The following WWOX variants were observed in gnomAD, a reference collection of about 807,000 sequenced individuals.
WWOX encodes the protein WW domain-containing oxidoreductase.
In WWOX, 69 loss-of-function variants were observed where a neutral mutation model predicts 46.2. The observed-to-expected ratio is 1.49, with a 90% CI of 1.23 to 1.82. The LOEUF (loss-of-function observed/expected upper bound fraction) is 1.82, where lower values mean the gene tolerates loss of function less well. WWOX is among the 40% of genes most tolerant of loss of function. The pLI is 0.00. For synonymous variants in WWOX, 359 were observed against 202.6 expected (o/e 1.77, Z -6.56); for missense variants, 919 against 542.6 (o/e 1.69, Z -6.89).
chr16:78,315,986 C>G (rs2080349286), intron 5 of WWOX, among the ~76,000 whole-genome samples: 1 of 152,040 alleles, frequency 6.6e-6, no homozygotes, highest in African/African-American at 2.4e-5. Context: ...TCACTCAAAC[C>G]TGTAATCCCA....
chr16:78,469,241 C>G (rs1316950468), intron 8 of WWOX, among the ~76,000 whole-genome samples: 1 of 152,024 alleles, frequency 6.6e-6, no homozygotes, highest in Non-Finnish European at 1.5e-5. Context: ...AACCACCCAT[C>G]AAGATATCCA....
At chr16:78,798,295 G>A (rs1034611674) in intron 8 of WWOX, among the ~76,000 whole-genome samples, 15 of 151,976 alleles carry the variant, frequency 9.9e-5, no homozygotes, top group Non-Finnish European at 1.5e-5. Context: ...GGCTCAGATT[G>A]ACGCTTTTCA....
intron 8 of WWOX, among the ~76,000 whole-genome samples, chr16:79,191,523 A>G (rs913604478): frequency 3.3e-5 from 5 of 152,234 alleles, no homozygotes; most frequent in Non-Finnish European, 7.3e-5. Context: ...GCTACTTTAT[A>G]AAAGCCAAGT....
intron 8 of WWOX, among the ~76,000 whole-genome samples, chr16:78,624,201 C>G (rs766835879): frequency 4.8e-5 from 7 of 144,572 alleles, no homozygotes; most frequent in Non-Finnish European, 9.0e-5. Flanking sequence ...TATTTATTTT[C>G]TAATCTTTTT....
At chr16:78,841,912 C>A (rs1303796930) in intron 8 of WWOX, among the ~76,000 whole-genome samples, 2 of 152,060 alleles carry the variant, frequency 1.3e-5, no homozygotes, top group Admixed American at 1.3e-4. Flanking sequence ...GATTATTGGG[C>A]TTGAGTATCC....
At chr16:78,988,994 C>T (rs538752962) in intron 8 of WWOX, among the ~76,000 whole-genome samples, 2 of 152,310 alleles carry the variant, frequency 1.3e-5, no homozygotes, top group East Asian at 1.9e-4. Flanking sequence ...CCTGTACAAC[C>T]TGAGTTCTCT....
intron 8 of WWOX, among the ~76,000 whole-genome samples, chr16:78,643,791 C>T (rs898316391): frequency 6.8e-6 from 1 of 148,100 alleles, no homozygotes; most frequent in African/African-American, 2.5e-5. Context: ...GCTTGCTCAG[C>T]AGTTGAAATG....
intron 8 of WWOX, among the ~76,000 whole-genome samples, chr16:79,135,920 T>C (rs1400143596): frequency 2.0e-5 from 3 of 152,232 alleles, no homozygotes; most frequent in African/African-American, 7.2e-5. Context: ...TCTCATTTAC[T>C]GGTGAGAGCT....
intron 5 of WWOX, among the ~76,000 whole-genome samples, chr16:78,315,074 GCTAT>G (rs1447148180): frequency 6.6e-6 from 1 of 152,136 alleles, no homozygotes; most frequent in East Asian, 1.9e-4. Context: ...CTATCATCTA[GCTAT>G]CTATCGATTT....
chr16:78,254,889 AG>A (rs1850594738), intron 5 of WWOX, among the ~76,000 whole-genome samples: 2 of 152,122 alleles, frequency 1.3e-5, no homozygotes, highest in African/African-American at 4.8e-5. Flanking sequence ...CCTCAGCCCC[AG>A]TCAGGGTTGT....
At chr16:78,231,981 G>T (rs1190128213) in intron 5 of WWOX, among the ~76,000 whole-genome samples, 1 of 152,076 alleles carries the variant, frequency 6.6e-6, no homozygotes, top group Admixed American at 6.6e-5. Flanking sequence ...TGGAGGTTAA[G>T]CCCTTTACTA....
At chr16:78,574,170 G>C (rs1010916803) in intron 8 of WWOX, among the ~76,000 whole-genome samples, 1 of 152,222 alleles carries the variant, frequency 6.6e-6, no homozygotes, top group East Asian at 1.9e-4. Flanking sequence ...CCACAAAGCA[G>C]CTTCCTTCAT....
At chr16:78,160,308 A>G (rs1338918941) in intron 4 of WWOX, among the ~76,000 whole-genome samples, 2 of 151,936 alleles carry the variant, frequency 1.3e-5, no homozygotes, top group African/African-American at 4.8e-5. Flanking sequence ...AATTTTTTGT[A>G]GAGATGGAAT....
chr16:78,920,927 C>T lies in WWOX; in HGVS notation c.1057-290681C>T, dbSNP rs1387786128. Among the ~76,000 whole-genome samples the T allele has an allele frequency of 2.0e-5, 3 of 152,216 alleles. No homozygotes were observed. In the East Asian group the frequency reaches 5.8e-4, roughly 29 times the overall value. On this transcript the variant is annotated intron_variant, in intron 8 of 8. Coordinates refer to ENST00000566780, the MANE Select transcript of WWOX (RefSeq NM_016373.4). Reference sequence around the variant, plus strand: ...CTGTAATTGACTTTCAAACTGCTCTCACTGTCCACACATAATATGTGGTAC... The same window carrying T: ...CTGTAATTGACTTTCAAACTGCTCTTACTGTCCACACATAATATGTGGTAC...
intron 8 of WWOX, among the ~76,000 whole-genome samples, chr16:78,788,397 A>T (rs1247624933): frequency 1.3e-5 from 2 of 152,110 alleles, no homozygotes; most frequent in Non-Finnish European, 2.9e-5. Context: ...GCAGGACTCT[A>T]ATCTTCCCCA....
chr16:78,324,111 G>A (rs964102453), intron 5 of WWOX, among the ~76,000 whole-genome samples: 1 of 152,030 alleles, frequency 6.6e-6, no homozygotes, highest in Admixed American at 6.6e-5. Context: ...GCAAGGATGG[G>A]ATTTGAACGT....
intron 8 of WWOX, among the ~76,000 whole-genome samples, chr16:78,809,535 C>T (rs2051133927): frequency 1.3e-5 from 2 of 152,176 alleles, no homozygotes; most frequent in Non-Finnish European, 2.9e-5. Flanking sequence ...TTTCCAACTT[C>T]CACTTGCCCC....
chr16:78,261,311 A>ATACG (rs2079228577), intron 5 of WWOX, among the ~76,000 whole-genome samples: 1 of 150,974 alleles, frequency 6.6e-6, no homozygotes, highest in Non-Finnish European at 1.5e-5. Context: ...ACATACATAC[A>ATACG]TATAAAATTA....
At chr16:78,525,423 G>C in intron 8 of WWOX, 1 of 151,934 alleles carries the variant, frequency 6.6e-6, no homozygotes, top group East Asian at 1.9e-4. Context: ...CTGACCTCGT[G>C]ATCCACCAGC....
Sources: allele counts gnomAD v4.1 joint callset (sites outside exome capture counted in the v4.1 genomes callset), GRCh38; gene constraint gnomAD v4.1.1; transcripts MANE v1.5; gene names NCBI Gene and HGNC (gene_info 2026-07-23, HGNC 2026-07-21).